MAML3: variants seen among roughly 807,000 people sequenced by gnomAD.
MAML3 encodes mastermind like transcriptional coactivator 3, also known as mastermind-like protein 3.
In MAML3, 27 loss-of-function variants were observed where a neutral mutation model predicts 101.9. The observed-to-expected ratio is 0.27, with a 90% CI of 0.20 to 0.37. MAML3 has a LOEUF of 0.37. Among genes scored for constraint, MAML3 ranks in the 10% least tolerant of loss-of-function variants. The pLI is 1.00. For synonymous variants in MAML3, 501 were observed against 555.9 expected, an observed-to-expected ratio of 0.90 and a Z score of 1.39; for missense variants, 1,316 against 1,444.9, an observed-to-expected ratio of 0.91 and a Z score of 1.45.
intron 1 of MAML3, among the ~76,000 whole-genome samples, chr4:139,945,901 G>T (rs139634842): frequency 5.9e-5 from 9 of 152,308 alleles, no homozygotes; most frequent in African/African-American, 1.9e-4. Flanking sequence ...GGTGTTGCCT[G>T]GGAACTAATA....
chr4:140,069,387 G>A (rs1052854422), intron 1 of MAML3, among the ~76,000 whole-genome samples: 776 of 49,790 alleles, frequency 0.016, 26 homozygotes, highest in African/African-American at 0.05. Context: ...GAAGAAGAAG[G>A]AGGAGGAGGA....
chr4:139,843,038 C>A (rs1731390064), intron 2 of MAML3, among the ~76,000 whole-genome samples: 1 of 152,050 alleles, frequency 6.6e-6, no homozygotes, highest in Non-Finnish European at 1.5e-5. Context: ...ACCACAGCCT[C>A]CCAAAGTGCT....
At chr4:139,789,819 T>A (rs1246067190) in intron 2 of MAML3, among the ~76,000 whole-genome samples, 1 of 152,058 alleles carries the variant, frequency 6.6e-6, no homozygotes, top group Non-Finnish European at 1.5e-5. Flanking sequence ...GCAATGTTGG[T>A]GAATTCAGAA....
At chr4:139,793,068 C>T (rs1214385471) in intron 2 of MAML3, among the ~76,000 whole-genome samples, 1 of 152,118 alleles carries the variant, frequency 6.6e-6, no homozygotes, top group Non-Finnish European at 1.5e-5. Flanking sequence ...TTTAAGAATG[C>T]TGATGAGGAT....
intron 2 of MAML3, among the ~76,000 whole-genome samples, chr4:139,814,468 C>A (rs1426116870): frequency 6.6e-6 from 1 of 152,124 alleles, no homozygotes; most frequent in Non-Finnish European, 1.5e-5. Context: ...GTGTTTAATT[C>A]CCTCAGGCTT....
intron 2 of MAML3, among the ~76,000 whole-genome samples, chr4:139,849,122 A>G (rs2111153242): frequency 6.6e-6 from 1 of 152,322 alleles, no homozygotes; most frequent in Admixed American, 6.5e-5. Flanking sequence ...GTGCATTAAC[A>G]TCATCTTTTT....
chr4:139,949,608 T>C (rs778638391), intron 1 of MAML3, among the ~76,000 whole-genome samples: 1 of 152,260 alleles, frequency 6.6e-6, no homozygotes, highest in Non-Finnish European at 1.5e-5. Flanking sequence ...TGTTGTACTT[T>C]TAATTTACAA....
chr4:139,720,333 A>C lies in MAML3; in HGVS notation c.2417-10T>G, dbSNP rs1179721915. Reference sequence around the variant, plus strand: ...ATATCCTGGGGAGAACCTGCAGTGAAAAAGAGGACACATACCACTCACTCT... The same window carrying C: ...ATATCCTGGGGAGAACCTGCAGTGACAAAGAGGACACATACCACTCACTCT... On this transcript the variant is annotated splice_polypyrimidine_tract_variant and intron_variant, in intron 4 of 4. Coordinates refer to ENST00000509479, the MANE Select transcript of MAML3 (RefSeq NM_018717.5). 1 of 1,517,456 alleles carries C rather than the reference A, an allele frequency of 6.6e-7. No individual in the cohort carries two copies. Among genetic ancestry groups the C allele is most frequent in the Admixed American group, 2.2e-5 (1 of 45,530 alleles). The allele number at this position is 1,517,456 out of a possible 1,614,324, so 94.0% of individuals were successfully genotyped here.
At chr4:139,813,965 A>G (rs62322633) in intron 2 of MAML3, among the ~76,000 whole-genome samples, 52,824 of 151,592 alleles carry the variant, frequency 0.35, 9,699 homozygotes, top group Admixed American at 0.42. Flanking sequence ...GAAAAAGCAA[A>G]AGTGGCAACA....
chr4:140,060,501 A>G (rs1727429207), intron 1 of MAML3, among the ~76,000 whole-genome samples: 1 of 152,000 alleles, frequency 6.6e-6, no homozygotes, highest in Non-Finnish European at 1.5e-5. Flanking sequence ...GAAAAACATT[A>G]TAAGAATTTC....
chr4:139,926,401 C>G (rs1233484279), intron 1 of MAML3, among the ~76,000 whole-genome samples: 6 of 152,118 alleles, frequency 3.9e-5, no homozygotes, highest in Admixed American at 1.3e-4. Context: ...GAGATCAAGA[C>G]CATTCTGGCT....
intron 1 of MAML3, among the ~76,000 whole-genome samples, chr4:140,082,664 G>A (rs1023906417): frequency 4.6e-5 from 7 of 152,034 alleles, no homozygotes; most frequent in African/African-American, 9.7e-5. Flanking sequence ...CACACGGGGC[G>A]GGCACAAAGT....
Position 140,133,686 on chromosome 4 carries a change from C to A in MAML3, c.468+19174G>T, listed in dbSNP as rs1310906874. ...TAGCTACATTTTCAGATTCCTATTT[C>A]TTCATCCAACTGGAAAACCTGTAGC... On this transcript the variant is annotated intron_variant, in intron 1 of 4. Transcript: ENST00000509479. Among the ~76,000 whole-genome samples, 3 of 152,112 alleles carry A rather than the reference C, an allele frequency of 2.0e-5. No homozygotes were observed. The East Asian group carries it at 5.8e-4, about 29-fold the overall frequency.
chr4:139,772,183 T>C, intron 2 of MAML3, among the ~76,000 whole-genome samples: 1 of 119,158 alleles, frequency 8.4e-6, no homozygotes, highest in East Asian at 2.5e-4. Context: ...CAGTTTGCAG[T>C]GAGCCGAGAT....
intron 1 of MAML3, among the ~76,000 whole-genome samples, chr4:140,146,325 C>A (rs1251923230): frequency 3.3e-5 from 5 of 152,120 alleles, no homozygotes; most frequent in Admixed American, 2.0e-4. Context: ...AACTCAAAAA[C>A]CCCTCCACTG....
chr4:139,770,120 C>T (rs1214151918), intron 2 of MAML3, among the ~76,000 whole-genome samples: 1 of 151,632 alleles, frequency 6.6e-6, no homozygotes, highest in Non-Finnish European at 1.5e-5. Context: ...TTTGTAGAGA[C>T]AGGGCCTCAC....
At chr4:140,145,648 C>T (rs1032258609) in intron 1 of MAML3, among the ~76,000 whole-genome samples, 2 of 152,114 alleles carry the variant, frequency 1.3e-5, no homozygotes, top group African/African-American at 4.8e-5. Context: ...TCACTGCAAA[C>T]TCTGCCACCC....
intron 1 of MAML3, among the ~76,000 whole-genome samples, chr4:140,096,752 C>T (rs537201637): frequency 2.4e-4 from 36 of 152,200 alleles, no homozygotes; most frequent in African/African-American, 8.4e-4. Flanking sequence ...TATTAACAAA[C>T]CCTAATGACA....
chr4:140,130,110 A>T (rs1728766476), intron 1 of MAML3, among the ~76,000 whole-genome samples: 1 of 152,240 alleles, frequency 6.6e-6, no homozygotes, highest in Non-Finnish European at 1.5e-5. Flanking sequence ...CGGATAAGAA[A>T]GTTAACTTGG....
Sources: allele counts gnomAD v4.1 joint callset (sites outside exome capture counted in the v4.1 genomes callset), GRCh38; gene constraint gnomAD v4.1.1; transcripts MANE v1.5; gene names NCBI Gene and HGNC (gene_info 2026-07-23, HGNC 2026-07-21).